The following WNK1 variants were observed in gnomAD, a reference collection of about 807,000 sequenced individuals.
WNK1 encodes serine/threonine-protein kinase WNK1.
WNK1 carries 38 observed loss-of-function variants against 222.8 expected under a neutral mutation model. That is an observed-to-expected ratio of 0.17 (90% CI 0.13 to 0.22). The LOEUF is 0.22. Among genes scored for constraint, WNK1 ranks in the 10% least tolerant of loss-of-function variants. The pLI is 1.00. For synonymous variants in WNK1, 1,090 were observed against 1,092.9 expected (o/e 1.00, Z 0.05); for missense variants, 2,348 against 2,918.4 (o/e 0.80, Z 4.50).
chr12:774,108 T>C (rs1942848679), intron 1 of WNK1, among the ~76,000 whole-genome samples: 1 of 152,180 alleles, frequency 6.6e-6, no homozygotes, highest in Non-Finnish European at 1.5e-5. Flanking sequence ...TCCTCCAGTC[T>C]TTCACCTACA....
At chr12:817,503 A>C (rs1248734420) in intron 2 of WNK1, among the ~76,000 whole-genome samples, 2 of 152,188 alleles carry the variant, frequency 1.3e-5, no homozygotes, top group East Asian at 3.9e-4. Flanking sequence ...GGAGAGGCAG[A>C]TTGGGAAGGA....
At chr12:813,298 A>G (rs1387434261) in intron 1 of WNK1, among the ~76,000 whole-genome samples, 1 of 152,258 alleles carries the variant, frequency 6.6e-6, no homozygotes, top group Admixed American at 6.5e-5. Flanking sequence ...AATCAAGGCA[A>G]AGATAGAACT....
Position 911,072 on chromosome 12 carries a change from T to C in WNK1, c.*2280T>C, listed in dbSNP as rs1956047840. On this transcript the variant is annotated 3_prime_UTR_variant, in exon 28 of 28. Coordinates refer to ENST00000315939, the MANE Select transcript of WNK1 (RefSeq NM_018979.4). ...AATAATTTTGACATCTTTTCACTCA[T>C]ACACAAAAAAAGTCAGAACTGGTGT... The C allele has an allele frequency of 2.6e-6, 1 of 384,092 alleles. No individual in the cohort carries two copies. The highest frequency in any genetic ancestry group is 4.6e-6 in the Non-Finnish European group (1 of 218,074). 23.8% of individuals were successfully genotyped at this position (384,092 alleles called of 1,614,324 possible).
chr12:906,468 G>A (rs1204625027), intron 26 of WNK1: 7 of 985,194 alleles, frequency 7.1e-6, no homozygotes, highest in Non-Finnish European at 8.4e-6. Context: ...TTCTACATGG[G>A]AGTGCTTGCT....
Position 884,027 on chromosome 12 carries a change from CA to C in WNK1, c.3722-87del. On this transcript the variant is annotated intron_variant, in intron 17 of 27. Transcript: ENST00000315939. The surrounding 1 kb of genome is among the most constrained non-coding windows in gnomAD (Gnocchi z 5.6). ...TGGGTGAGAGAATGAGACCGTGCCT[CA>C]AAAAAAGCAGTTGTATGTGCCAATA... 3 of 1,582,126 alleles carry C rather than the reference CA, an allele frequency of 1.9e-6. No homozygotes were observed. Among genetic ancestry groups the C allele is most frequent in the Non-Finnish European group, 1.7e-6 (2 of 1,157,100 alleles).
chr12:806,668 G>A (rs78457754), intron 1 of WNK1, among the ~76,000 whole-genome samples: 8 of 152,152 alleles, frequency 5.3e-5, no homozygotes, highest in Admixed American at 5.2e-4. Context: ...GAGATATGGG[G>A]AATCATGGAA....
intron 1 of WNK1, among the ~76,000 whole-genome samples, chr12:804,580 C>A (rs1049287523): frequency 2.6e-5 from 4 of 152,108 alleles, no homozygotes; most frequent in Admixed American, 2.0e-4. Flanking sequence ...ACCATGTTGA[C>A]CATGCTGGTC....
At chr12:838,536 T>A (rs1289461733) in intron 4 of WNK1, among the ~76,000 whole-genome samples, 1 of 152,162 alleles carries the variant, frequency 6.6e-6, no homozygotes, top group Non-Finnish European at 1.5e-5. Flanking sequence ...CGCCTCAGCC[T>A]CCTGAGTATC....
intron 8 of WNK1, chr12:865,011 A>G: frequency 7.1e-7 from 1 of 1,400,054 alleles, no homozygotes; most frequent in Non-Finnish European, 9.3e-7. Flanking sequence ...AGAGGATGGA[A>G]CATTTCTTCA....
chr12:823,047 T>A (rs1403980585), intron 2 of WNK1, among the ~76,000 whole-genome samples: 1 of 152,190 alleles, frequency 6.6e-6, no homozygotes, highest in Non-Finnish European at 1.5e-5. Flanking sequence ...TGGTTGGCAG[T>A]CTTCAGGTTT....
chr12:858,709 CT>C (rs1950969891), intron 5 of WNK1, among the ~76,000 whole-genome samples: 1 of 152,148 alleles, frequency 6.6e-6, no homozygotes, highest in Non-Finnish European at 1.5e-5. Flanking sequence ...GCATTTACAG[CT>C]TTTATAACTG....
intron 8 of WNK1, among the ~76,000 whole-genome samples, chr12:866,852 A>G (rs1051729372): frequency 6.6e-6 from 1 of 152,116 alleles, no homozygotes; most frequent in South Asian, 2.1e-4. Flanking sequence ...GGCCGGGCTC[A>G]GTGGCTCACG....
At position 900,360 on chromosome 12, in the gene WNK1, G is replaced by A. The variant is rs1236417916; in HGVS notation, c.6449-116G>A. 3.6e-6 allele frequency: 4 copies of A among 1,104,932 alleles called. No homozygotes were observed. In the East Asian group the frequency reaches 9.7e-5, roughly 27 times the overall value. The allele number at this position is 1,104,932 out of a possible 1,614,324, so 68.4% of individuals were successfully genotyped here. Reference sequence around the variant, plus strand: ...ACTTTGTTCTTCTCATCAGTTTGTAGCTTTTGACCCATCATTCATCACTCA... The same window carrying A: ...ACTTTGTTCTTCTCATCAGTTTGTAACTTTTGACCCATCATTCATCACTCA... On this transcript the variant is annotated intron_variant, in intron 25 of 27. Transcript: ENST00000315939.
At chr12:770,270 G>A (rs1012601755) in intron 1 of WNK1, among the ~76,000 whole-genome samples, 6 of 152,126 alleles carry the variant, frequency 3.9e-5, no homozygotes, top group Non-Finnish European at 7.4e-5. Context: ...CACTGCGCCC[G>A]GCCAGGAATT....
intron 4 of WNK1, among the ~76,000 whole-genome samples, chr12:831,529 C>T (rs1486082235): frequency 6.7e-6 from 1 of 149,368 alleles, no homozygotes; most frequent in African/African-American, 2.5e-5. Flanking sequence ...CAGAGTAAGA[C>T]TCTGTCTCAA....
intron 1 of WNK1, among the ~76,000 whole-genome samples, chr12:793,340 A>G (rs1424271532): frequency 1.3e-5 from 2 of 152,242 alleles, no homozygotes; most frequent in African/African-American, 4.8e-5. Context: ...AGAAAAGCCT[A>G]TAAAGTTAAA....
chr12:858,921 A>G (rs1475985819), intron 5 of WNK1, among the ~76,000 whole-genome samples: 2 of 152,218 alleles, frequency 1.3e-5, no homozygotes, highest in Non-Finnish European at 1.5e-5. Flanking sequence ...TATTACTAAT[A>G]AGATCATTGG....
At chr12:844,174 C>G (rs1368302329) in intron 4 of WNK1, among the ~76,000 whole-genome samples, 1 of 151,796 alleles carries the variant, frequency 6.6e-6, no homozygotes, top group Non-Finnish European at 1.5e-5. Context: ...CTCTGTCGCC[C>G]AGGCTGGAGT....
intron 25 of WNK1, among the ~76,000 whole-genome samples, chr12:899,731 G>T (rs553292195): frequency 3.1e-4 from 47 of 152,270 alleles, no homozygotes; most frequent in African/African-American, 1.1e-3. Flanking sequence ...CCATTGCTCT[G>T]TAGTGACCTC....
Sources: gnomAD v4.1 joint callset for allele counts (sites outside exome capture counted in the v4.1 genomes callset) on GRCh38, gnomAD v4.1.1 for gene constraint, Gnocchi (gnomAD v3.1) non-coding constraint, MANE v1.5 for transcripts, NCBI Gene and HGNC (gene_info 2026-07-23, HGNC 2026-07-21) for gene names.